Variants in PTH2R observed in about 807,000 individuals in gnomAD.
PTH2R encodes the protein PTH2 receptor.
In PTH2R, 59 loss-of-function variants were observed where a neutral mutation model predicts 60.3. That is an observed-to-expected ratio of 0.98 (90% CI 0.79 to 1.22). The LOEUF (loss-of-function observed/expected upper bound fraction) is 1.22, where lower values mean the gene tolerates loss of function less well. PTH2R is among the 50% of genes most tolerant of loss of function. The probability of loss-of-function intolerance (pLI) is 0.00; values close to 1 mark genes in which losing one functional copy is unlikely to be tolerated. For synonymous variants in PTH2R, 256 were observed against 243.8 expected (o/e 1.05, Z -0.47); for missense variants, 749 against 682.6 (o/e 1.10, Z -1.08).
At chr2:208,464,429 A>G (rs1269844282) in intron 9 of PTH2R, among the ~76,000 whole-genome samples, 1 of 152,190 alleles carries the variant, frequency 6.6e-6, no homozygotes, top group East Asian at 1.9e-4. Context: ...TCTTCTCTCC[A>G]GGTCTGCGTG....
chr2:208,387,372 A>G (rs1276443195), intron 1 of PTH2R, among the ~76,000 whole-genome samples: 2 of 152,230 alleles, frequency 1.3e-5, no homozygotes, highest in Non-Finnish European at 2.9e-5. Flanking sequence ...ACAGGCATCC[A>G]CATCAAATGA....
intron 4 of PTH2R, among the ~76,000 whole-genome samples, chr2:208,440,652 T>G (rs943128243): frequency 6.6e-6 from 1 of 152,020 alleles, no homozygotes; most frequent in Admixed American, 6.6e-5. Context: ...AGGACCACAG[T>G]AGAAGGGGAG....
intron 1 of PTH2R, among the ~76,000 whole-genome samples, chr2:208,397,004 C>G (rs890632452): frequency 6.6e-6 from 1 of 152,102 alleles, no homozygotes; most frequent in Non-Finnish European, 1.5e-5. Context: ...ATGTCCTTTG[C>G]CGGGACATGG....
At chr2:208,458,919 A>G (rs370595617) in intron 8 of PTH2R, among the ~76,000 whole-genome samples, 8 of 152,144 alleles carry the variant, frequency 5.3e-5, no homozygotes, top group South Asian at 2.1e-4. Flanking sequence ...GAATATTTGC[A>G]TACGTGTGTC....
intron 1 of PTH2R, among the ~76,000 whole-genome samples, chr2:208,377,574 C>A (rs1224679590): frequency 6.8e-6 from 1 of 146,838 alleles, no homozygotes. Flanking sequence ...TGGGACGGGG[C>A]GGCTGGCCGG....
At chr2:208,490,182 C>G in intron 11 of PTH2R, among the ~76,000 whole-genome samples, 1 of 152,186 alleles carries the variant, frequency 6.6e-6, no homozygotes, top group East Asian at 1.9e-4. Flanking sequence ...TTATCCCTGC[C>G]CCTGTCATGC....
At chr2:208,449,674 A>G (rs1702363718) in intron 7 of PTH2R, among the ~76,000 whole-genome samples, 1 of 152,206 alleles carries the variant, frequency 6.6e-6, no homozygotes, top group African/African-American at 2.4e-5. Context: ...TAAGGAGACC[A>G]AAGACATTAT....
At chr2:208,480,141 C>T (rs190358104) in intron 9 of PTH2R, among the ~76,000 whole-genome samples, 11 of 152,284 alleles carry the variant, frequency 7.2e-5, no homozygotes, top group Middle Eastern at 6.8e-3. Flanking sequence ...CTGAGGTGCA[C>T]AAATCCTCTG....
At chr2:208,470,178 A>G (rs1702851087) in intron 9 of PTH2R, among the ~76,000 whole-genome samples, 1 of 152,192 alleles carries the variant, frequency 6.6e-6, no homozygotes, top group South Asian at 2.1e-4. Context: ...ATATGGTACT[A>G]GCAGAAACCT....
intron 1 of PTH2R, among the ~76,000 whole-genome samples, chr2:208,378,100 C>T (rs1380503562): frequency 1.3e-5 from 2 of 151,966 alleles, no homozygotes; most frequent in Non-Finnish European, 1.5e-5. Flanking sequence ...ACTGAGTGAA[C>T]CAGACTCCGT....
At chr2:208,484,373 A>G (rs1703227033) in intron 10 of PTH2R, among the ~76,000 whole-genome samples, 1 of 152,252 alleles carries the variant, frequency 6.6e-6, no homozygotes, top group African/African-American at 2.4e-5. Context: ...ATTCACATAC[A>G]GTTGCAAAAA....
At chr2:208,470,962 G>A (rs1265117057) in intron 9 of PTH2R, among the ~76,000 whole-genome samples, 1 of 152,180 alleles carries the variant, frequency 6.6e-6, no homozygotes, top group Non-Finnish European at 1.5e-5. Flanking sequence ...TGGAGCAAAG[G>A]TGACTCTTGT....
chr2:208,365,660 A>T (rs1286586488), intron 1 of PTH2R, among the ~76,000 whole-genome samples: 3 of 150,546 alleles, frequency 2.0e-5, no homozygotes, highest in Non-Finnish European at 4.4e-5. Flanking sequence ...CCTAGCTTTG[A>T]TATCACACTA....
chr2:208,408,974 C>T (rs1292703834), intron 1 of PTH2R, among the ~76,000 whole-genome samples: 1 of 152,068 alleles, frequency 6.6e-6, no homozygotes, highest in Non-Finnish European at 1.5e-5. Context: ...TTTAGCGCCA[C>T]CCTGTCTCCT....
At chr2:208,469,790 T>G (rs1702840202) in intron 9 of PTH2R, 1 of 152,232 alleles carries the variant, frequency 6.6e-6, no homozygotes, top group African/African-American at 2.4e-5. Flanking sequence ...TTCTTCCCTG[T>G]AAGATCAAAA....
In PTH2R at chr2:208,459,958, T is replaced by G. The variant is rs758423684; in HGVS notation, c.978T>G (p.Ile326Met). The G allele has an allele frequency of 6.2e-7, 1 of 1,612,894 alleles. No homozygotes were observed. The highest frequency in any genetic ancestry group is 2.2e-5 in the East Asian group (1 of 44,870). The change falls in exon 9 of 13, where the codon ATT becomes ATG. Residue 326 changes from isoleucine (I) to methionine (M), a missense_variant. Transcript: ENST00000272847. ...WIYQAPILAA[I>M]GLNFILFLNT... ...ATCAAGCACCGATCTTAGCAGCTAT[T>G]GGGGTAAGTTTAAAAGTTTGTATAG...
chr2:208,388,138 C>CCCG (rs1553541020), intron 1 of PTH2R, among the ~76,000 whole-genome samples: 16 of 149,454 alleles, frequency 1.1e-4, no homozygotes, highest in Admixed American at 4.7e-4. Context: ...TGAAACCCCC[C>CCCG]CCCCCGTCTC....
intron 1 of PTH2R, among the ~76,000 whole-genome samples, chr2:208,420,333 A>T (rs1003929478): frequency 5.3e-5 from 8 of 152,128 alleles, no homozygotes; most frequent in African/African-American, 1.9e-4. Context: ...ATAAATGTAC[A>T]TTTAGGACTT....
chr2:208,395,158 C>T (rs532714889), intron 1 of PTH2R, among the ~76,000 whole-genome samples: 149 of 152,190 alleles, frequency 9.8e-4, no homozygotes, highest in African/African-American at 3.5e-3. Context: ...AGCCATTCTC[C>T]TGCCTCAGCC....
Sources: allele counts gnomAD v4.1 joint callset (sites outside exome capture counted in the v4.1 genomes callset), GRCh38; gene constraint gnomAD v4.1.1; transcripts MANE v1.5; gene names NCBI Gene and HGNC (gene_info 2026-07-23, HGNC 2026-07-21).